The following TMEM131 variants were observed in gnomAD, a reference collection of about 807,000 sequenced individuals.
TMEM131 encodes 2610524E03Rik.
A neutral mutation model predicts 211.6 loss-of-function variants in TMEM131; 66 were observed. The observed-to-expected ratio is 0.31, with a 90% confidence interval of 0.26 to 0.38. TMEM131 has a LOEUF of 0.38. Among genes scored for constraint, TMEM131 ranks in the 10% least tolerant of loss-of-function variants. The pLI is 1.00. For missense variants in TMEM131, 2,036 were observed against 2,299.3 expected, an observed-to-expected ratio of 0.89 and a Z score of 2.34; for synonymous variants, 844 against 841.3, an observed-to-expected ratio of 1.00 and a Z score of -0.06.
intron 12 of TMEM131, among the ~76,000 whole-genome samples, chr2:97,815,706 C>T (rs983035415): frequency 2.6e-5 from 4 of 152,106 alleles, no homozygotes; most frequent in Non-Finnish European, 4.4e-5. Flanking sequence ...AGCAGCATCC[C>T]GGACCTCTAC....
chr2:97,885,229 G>A lies in TMEM131; in HGVS notation c.359+2823C>T, dbSNP rs555382946. Among the ~76,000 whole-genome samples the A allele has an allele frequency of 1.1e-3, 168 of 151,618 alleles. 1 individual carries two copies. The Middle Eastern group carries it at 0.014, about 12-fold the overall frequency. On this transcript the variant is annotated intron_variant, in intron 4 of 40. Coordinates refer to ENST00000186436, the MANE Select transcript of TMEM131 (RefSeq NM_015348.2). Reference sequence around the variant, plus strand: ...ATTTTTTTTTTTGAGACGGAGTCTCGCTCTGTCACCCAGCCTGGAGGGCAG... The same window carrying A: ...ATTTTTTTTTTTGAGACGGAGTCTCACTCTGTCACCCAGCCTGGAGGGCAG...
intron 31 of TMEM131, among the ~76,000 whole-genome samples, chr2:97,778,276 T>A (rs2104828220): frequency 6.6e-6 from 1 of 152,228 alleles, no homozygotes; most frequent in South Asian, 2.1e-4. Flanking sequence ...AACAAAAGAT[T>A]AATTCGGCTC....
chr2:97,850,080 TAGAG>T (rs1197264809), intron 5 of TMEM131, among the ~76,000 whole-genome samples: 3 of 151,622 alleles, frequency 2.0e-5, no homozygotes, highest in Admixed American at 6.6e-5. Flanking sequence ...CTGAGAGACA[TAGAG>T]AGGACTCTCC....
At chr2:97,774,977 T>A (rs1015644153) in intron 32 of TMEM131, among the ~76,000 whole-genome samples, 3 of 152,180 alleles carry the variant, frequency 2.0e-5, no homozygotes, top group African/African-American at 7.2e-5. Context: ...TTTTAATGCA[T>A]GTGAATGACA....
intron 11 of TMEM131, 125 bp downstream of exon 11, chr2:97,833,240 A>G: frequency 1.8e-6 from 1 of 550,320 alleles, no homozygotes; most frequent in Non-Finnish European, 3.2e-6. Context: ...ACTTAGAACC[A>G]AAGTGTCACC....
intron 5 of TMEM131, among the ~76,000 whole-genome samples, chr2:97,848,685 T>C (rs1468345153): frequency 6.6e-6 from 1 of 151,886 alleles, no homozygotes; most frequent in Non-Finnish European, 1.5e-5. Flanking sequence ...GAGAAGCTCA[T>C]GGATACACAG....
At chr2:97,876,592 G>A (rs985497857) in intron 4 of TMEM131, among the ~76,000 whole-genome samples, 1 of 152,132 alleles carries the variant, frequency 6.6e-6, no homozygotes, top group African/African-American at 2.4e-5. Context: ...CAGAACCAAT[G>A]ACAAAAGCCA....
intron 22 of TMEM131, 103 bp from the exon 23 acceptor site, chr2:97,802,893 G>T: frequency 2.0e-6 from 2 of 994,390 alleles, no homozygotes; most frequent in Non-Finnish European, 2.9e-6. Flanking sequence ...TTTTTTGCTG[G>T]CCCTGAAAAA....
At chr2:97,774,300 G>A (rs1016638120) in intron 32 of TMEM131, among the ~76,000 whole-genome samples, 4 of 152,250 alleles carry the variant, frequency 2.6e-5, no homozygotes, top group Non-Finnish European at 5.9e-5. Context: ...GGCCTGGCAC[G>A]TGGGTGCTCA....
rs908747355 is a variant in TMEM131 at position 97,784,662 on chromosome 2, T to C, written c.4144+7724A>G. 2.0e-5 allele frequency among the ~76,000 whole-genome samples: 3 copies of C among 152,018 alleles called. No homozygotes were observed. The South Asian group carries it at 6.2e-4, about 32-fold the overall frequency. On this transcript the variant is annotated intron_variant, in intron 31 of 40. Transcript: ENST00000186436. ...ATAAAACGGGGGGGAAAGTCCTGTA[T>C]TAACAATTAAAGCTTCCACTTTACA...
intron 4 of TMEM131, among the ~76,000 whole-genome samples, chr2:97,887,549 A>T (rs777199800): frequency 9.9e-5 from 15 of 151,012 alleles, no homozygotes; most frequent in African/African-American, 1.5e-4. Flanking sequence ...TGCTTGGGGG[A>T]GGGTGTGCAG....
In TMEM131 at chr2:97,936,830, A is replaced by G. The variant is rs1420408779; in HGVS notation, c.188-9343T>C. Reference sequence around the variant, plus strand: ...TATTTAATAGAAACTGCCCTTGAGAAAGCCCAGGTTTTAGAATTACTGAAT... The same window carrying G: ...TATTTAATAGAAACTGCCCTTGAGAGAGCCCAGGTTTTAGAATTACTGAAT... On this transcript the variant is annotated intron_variant, in intron 1 of 40. Coordinates refer to ENST00000186436, the MANE Select transcript of TMEM131 (RefSeq NM_015348.2). Among the ~76,000 whole-genome samples the G allele has an allele frequency of 2.0e-5, 3 of 152,220 alleles. No homozygotes were observed. The East Asian group carries it at 5.8e-4, about 29-fold the overall frequency.
intron 25 of TMEM131, among the ~76,000 whole-genome samples, chr2:97,800,536 G>A (rs1680978408): frequency 1.3e-5 from 2 of 150,004 alleles, no homozygotes; most frequent in Non-Finnish European, 2.9e-5. Flanking sequence ...GATCACCTGA[G>A]GTCAGGAGTT....
chr2:97,795,861 G>C (rs918255275), intron 28 of TMEM131, among the ~76,000 whole-genome samples: 6 of 152,118 alleles, frequency 3.9e-5, no homozygotes, highest in African/African-American at 1.4e-4. Flanking sequence ...GTACATGTAT[G>C]AAACAAATCT....
chr2:97,861,416 T>A lies in TMEM131; in HGVS notation c.360-1989A>T, dbSNP rs151204840. Among the ~76,000 whole-genome samples the A allele has an allele frequency of 4.8e-4, 73 of 151,464 alleles. 1 individual carries two copies. Among genetic ancestry groups the A allele is most frequent in the Non-Finnish European group, 9.1e-4 (62 of 67,886 alleles). ...GAGGAGGGGGAAGAGAAACAAGGACTTTGTCTTGCATCTTGGATACCAGCT... is the reference window on the plus strand; with the variant it reads ...GAGGAGGGGGAAGAGAAACAAGGACATTGTCTTGCATCTTGGATACCAGCT... On this transcript the variant is annotated intron_variant, in intron 4 of 40. Transcript: ENST00000186436.
intron 22 of TMEM131, 74 bp from the exon 23 acceptor site, chr2:97,802,864 G>C: frequency 7.6e-7 from 1 of 1,311,776 alleles, no homozygotes; most frequent in East Asian, 2.6e-5. Context: ...AATTCAATTA[G>C]GCTTATGTAC....
chr2:97,883,961 A>C (rs1675036982), intron 4 of TMEM131, among the ~76,000 whole-genome samples: 1 of 152,028 alleles, frequency 6.6e-6, no homozygotes, highest in South Asian at 2.1e-4. Context: ...TCCTTCCACT[A>C]ATTTTGAGGC....
rs1040952100 is a variant in TMEM131 at position 97,995,650 on chromosome 2, C to G, written c.13G>C (p.Ala5Pro). Reference protein sequence around the residue: MGKRAGGGATGATTA... With the variant: MGKRPGGGATGATTA... The stretch of plus-strand genomic sequence containing the variant: ...GTGGCTCCGGTTGCTCCTCCTCCCG[C>G]CCGCTTCCCCATCCCTGCCGGCCGG... The change falls in exon 1 of 41, where the codon GCG (alanine) becomes CCG (proline). Residue 5 changes from alanine (A) to proline (P), a missense_variant. Physicochemically the swap from Ala to Pro is conservative, Grantham distance 27 (BLOSUM62 -1). Transcript: ENST00000186436. 1.6e-6 allele frequency: 2 copies of G among 1,214,704 alleles called. No homozygotes were observed. The highest frequency in any genetic ancestry group is 8.7e-5 in the Admixed American group (2 of 22,864). The allele number at this position is 1,214,704 out of a possible 1,614,324, so 75.2% of individuals were successfully genotyped here. A position where few individuals can be genotyped will look rare whatever the true frequency, so the allele number is the denominator to read the frequency against.
chr2:97,912,337 T>G (rs1174204889), intron 2 of TMEM131, among the ~76,000 whole-genome samples: 1 of 152,116 alleles, frequency 6.6e-6, no homozygotes, highest in African/African-American at 2.4e-5. Flanking sequence ...TCAACCTCAG[T>G]AGACAGTAAA....
Sources: gnomAD v4.1 joint callset for allele counts (sites outside exome capture counted in the v4.1 genomes callset) on GRCh38, gnomAD v4.1.1 for gene constraint, MANE v1.5 for transcripts, NCBI Gene and HGNC (gene_info 2026-07-23, HGNC 2026-07-21) for gene names.